CDH18: variants seen among roughly 807,000 people sequenced by gnomAD.
CDH18 encodes the protein cadherin-18.
In CDH18, 31 loss-of-function variants were observed where a neutral mutation model predicts 67.9. The ratio of observed to expected loss-of-function variants is 0.46; its 90% CI spans 0.34 to 0.62. The LOEUF (loss-of-function observed/expected upper bound fraction) is 0.62, where lower values mean the gene tolerates loss of function less well. Among genes scored for constraint, CDH18 ranks in the 20% least tolerant of loss-of-function variants. CDH18 has a pLI of 0.01. For synonymous variants in CDH18, 362 were observed against 347.2 expected (o/e 1.04, Z -0.48); for missense variants, 890 against 975.5 (o/e 0.91, Z 1.17).
rs568508239 is a variant in CDH18, at chr5:19,541,923, C to T, written c.1390+1946G>A. On this transcript the variant is annotated intron_variant, in intron 9 of 12. Coordinates refer to ENST00000382275, the MANE Select transcript of CDH18 (RefSeq NM_004934.5). Reference sequence around the variant, plus strand: ...TTTTAATGAGTCCTTATTATTTAACCGCCATTTAATTTGTTCTTACATTAC... The same window carrying T: ...TTTTAATGAGTCCTTATTATTTAACTGCCATTTAATTTGTTCTTACATTAC... 2.4e-4 allele frequency among the ~76,000 whole-genome samples: 37 copies of T among 152,088 alleles called. 1 individual carries two copies. In the South Asian group the frequency reaches 4.6e-3, roughly 19 times the overall value.
chr5:19,663,203 G>T (rs1262793336), intron 5 of CDH18, among the ~76,000 whole-genome samples: 3 of 151,662 alleles, frequency 2.0e-5, no homozygotes, highest in Admixed American at 6.6e-5. Context: ...AATAACGACA[G>T]AATTTTATCA....
intron 2 of CDH18, among the ~76,000 whole-genome samples, chr5:19,979,254 A>G (rs931216439): frequency 4.0e-5 from 6 of 149,746 alleles, no homozygotes; most frequent in African/African-American, 1.5e-4. Flanking sequence ...GTGTTGAAGC[A>G]GAGTGTGTCT....
chr5:19,504,168 G>A (rs1053613537), intron 10 of CDH18, among the ~76,000 whole-genome samples: 25 of 152,110 alleles, frequency 1.6e-4, no homozygotes, highest in African/African-American at 6.0e-4. Context: ...GAGAAGTGGG[G>A]GTGAGTGACA....
At chr5:20,442,575 T>C (rs1406508848) in intron 1 of CDH18, among the ~76,000 whole-genome samples, 2 of 151,846 alleles carry the variant, frequency 1.3e-5, no homozygotes, top group Admixed American at 6.6e-5. Flanking sequence ...GTCATAAAAG[T>C]AACAGTCACC....
chr5:19,488,694 A>C (rs995117848), intron 11 of CDH18, among the ~76,000 whole-genome samples: 2 of 152,210 alleles, frequency 1.3e-5, no homozygotes, highest in African/African-American at 2.4e-5. Flanking sequence ...TAATGATTTG[A>C]ACTACACTCA....
At chr5:20,015,477 T>C (rs1737800471) in intron 2 of CDH18, among the ~76,000 whole-genome samples, 1 of 152,108 alleles carries the variant, frequency 6.6e-6, no homozygotes, top group South Asian at 2.1e-4. Context: ...TGTTGCAGCC[T>C]AGAAAAACTT....
intron 4 of CDH18, among the ~76,000 whole-genome samples, chr5:19,736,110 C>A (rs1304465328): frequency 6.6e-6 from 1 of 152,068 alleles, no homozygotes; most frequent in Non-Finnish European, 1.5e-5. Flanking sequence ...AAATAATGGA[C>A]CAGAACATTT....
At chr5:19,740,036 A>G (rs1377440475) in intron 4 of CDH18, among the ~76,000 whole-genome samples, 3 of 152,208 alleles carry the variant, frequency 2.0e-5, no homozygotes, top group Admixed American at 1.3e-4. Context: ...ATTTCCAAGA[A>G]AAAGGAACTT....
At chr5:20,091,476 C>T (rs1264835154) in intron 2 of CDH18, among the ~76,000 whole-genome samples, 1 of 152,000 alleles carries the variant, frequency 6.6e-6, no homozygotes, top group Non-Finnish European at 1.5e-5. Context: ...GGCACTCCAG[C>T]CTGGGTGACA....
intron 1 of CDH18, among the ~76,000 whole-genome samples, chr5:20,400,088 G>T (rs182982158): frequency 2.4e-4 from 36 of 152,240 alleles, no homozygotes; most frequent in African/African-American, 7.9e-4. Flanking sequence ...ACAGGGTATT[G>T]GTGGTCACCA....
rs760777430 is a variant in CDH18 at position 19,994,855 on chromosome 5, T to TATATATATATATATAGAGAG, written c.-517-2842_-517-2841insCTCTCTATATATATATATAT. On this transcript the variant is annotated intron_variant, in intron 2 of 14. Transcript: ENST00000507958. ...ATATATATATATATATATATATATA[T>TATATATATATATATAGAGAG]AGAGAGAGAGAGAGAGAGAGAGATG... Among the ~76,000 whole-genome samples the TATATATATATATATAGAGAG allele has an allele frequency of 8.9e-5, 6 of 67,584 alleles. 2 individuals are homozygous for TATATATATATATATAGAGAG. The highest frequency in any genetic ancestry group is 1.5e-4 in the Non-Finnish European group (6 of 39,464). 44.3% of individuals were successfully genotyped at this position (67,584 alleles called of 152,430 possible).
At chr5:20,179,144 A>G (rs1339469833) in intron 2 of CDH18, among the ~76,000 whole-genome samples, 1 of 152,168 alleles carries the variant, frequency 6.6e-6, no homozygotes, top group Non-Finnish European at 1.5e-5. Flanking sequence ...TATAGTAAAG[A>G]CAAAATAATA....
In CDH18 at chr5:20,172,230, A is replaced by ATATATATG. The variant is rs1736869044; in HGVS notation, c.-518+83213_-518+83214insCATATATA. 9.3e-5 allele frequency among the ~76,000 whole-genome samples: 9 copies of ATATATATG among 96,688 alleles called. 1 individual carries two copies. The South Asian group carries it at 2.8e-3, about 30-fold the overall frequency. 63.4% of individuals were successfully genotyped at this position (96,688 alleles called of 152,430 possible). ...TATATATATATATATATATGTATAT[A>ATATATATG]TATATATATGTATATATATATATAT... On this transcript the variant is annotated intron_variant, in intron 2 of 14. Transcript: ENST00000507958.
intron 2 of CDH18, among the ~76,000 whole-genome samples, chr5:20,074,566 C>A (rs1170153134): frequency 6.6e-6 from 1 of 152,068 alleles, no homozygotes; most frequent in Non-Finnish European, 1.5e-5. Flanking sequence ...ACCAGAGAGA[C>A]CTGCAGAATA....
intron 1 of CDH18, among the ~76,000 whole-genome samples, chr5:20,366,356 T>A (rs897188584): frequency 6.6e-6 from 1 of 152,234 alleles, no homozygotes; most frequent in African/African-American, 2.4e-5. Flanking sequence ...GTCTGTTCAT[T>A]TTTTCCTGTT....
At chr5:20,370,729 AAAGT>A (rs1399712513) in intron 1 of CDH18, among the ~76,000 whole-genome samples, 3 of 152,124 alleles carry the variant, frequency 2.0e-5, no homozygotes, top group Non-Finnish European at 4.4e-5. Flanking sequence ...ATGAGAGAAG[AAAGT>A]GTTACTAGTT....
At chr5:19,535,411 A>G (rs1314988913) in intron 9 of CDH18, among the ~76,000 whole-genome samples, 1 of 152,202 alleles carries the variant, frequency 6.6e-6, no homozygotes, top group Non-Finnish European at 1.5e-5. Flanking sequence ...CATCAAAATA[A>G]GCACATTGAT....
At chr5:19,621,422 T>C (rs1421028412) in intron 5 of CDH18, among the ~76,000 whole-genome samples, 1 of 152,130 alleles carries the variant, frequency 6.6e-6, no homozygotes, top group East Asian at 1.9e-4. Context: ...TTTATATTCT[T>C]CTGATGACTA....
intron 2 of CDH18, among the ~76,000 whole-genome samples, chr5:19,977,870 A>C (rs930642431): frequency 6.6e-6 from 1 of 152,136 alleles, no homozygotes; most frequent in African/African-American, 2.4e-5. Flanking sequence ...TTGATCAGTA[A>C]ACACACAGAT....
Sources: gnomAD v4.1 joint callset for allele counts (sites outside exome capture counted in the v4.1 genomes callset) on GRCh38, gnomAD v4.1.1 for gene constraint, MANE v1.5 for transcripts, NCBI Gene and HGNC (gene_info 2026-07-23, HGNC 2026-07-21) for gene names.